Variants in CDKAL1 observed in about 807,000 individuals in gnomAD.
CDKAL1 encodes the protein threonylcarbamoyladenosine tRNA methylthiotransferase.
A neutral mutation model predicts 68.2 loss-of-function variants in CDKAL1; 32 were observed. The observed-to-expected ratio is 0.47, with a 90% CI of 0.35 to 0.63. The LOEUF is 0.63. Ranked by LOEUF, CDKAL1 falls within the 30% of genes least tolerant of loss-of-function variation. CDKAL1 has a pLI of 0.00. For missense variants in CDKAL1, 606 were observed against 696.7 expected, an observed-to-expected ratio of 0.87 and a Z score of 1.47; for synonymous variants, 234 against 244.3, an observed-to-expected ratio of 0.96 and a Z score of 0.39.
chr6:20,910,267 C>T (rs1361520094), intron 9 of CDKAL1, among the ~76,000 whole-genome samples: 6 of 152,128 alleles, frequency 3.9e-5, no homozygotes, highest in Non-Finnish European at 7.4e-5. Flanking sequence ...TAACAAGTAC[C>T]TCAGGTAGTT....
At chr6:20,585,425 C>T (rs6926658) in intron 4 of CDKAL1, among the ~76,000 whole-genome samples, 55,555 of 151,982 alleles carry the variant, frequency 0.37, 10,456 homozygotes, top group Middle Eastern at 0.45. Context: ...TCCAACTATT[C>T]CATTTTTTTC....
intron 11 of CDKAL1, among the ~76,000 whole-genome samples, chr6:21,026,377 T>C (rs1768963460): frequency 1.3e-5 from 2 of 152,268 alleles, no homozygotes; most frequent in South Asian, 4.1e-4. Flanking sequence ...AGTCAAGAAA[T>C]AAGTTTCTTG....
At chr6:21,115,073 CAA>C (rs1774340310) in intron 13 of CDKAL1, among the ~76,000 whole-genome samples, 1 of 152,186 alleles carries the variant, frequency 6.6e-6, no homozygotes, top group African/African-American at 2.4e-5. Flanking sequence ...CTTCTTTCCT[CAA>C]AGACTAGGCA....
chr6:20,826,289 G>C (rs1777499959), intron 8 of CDKAL1, among the ~76,000 whole-genome samples: 1 of 152,048 alleles, frequency 6.6e-6, no homozygotes, highest in African/African-American at 2.4e-5. Flanking sequence ...AAATCTTTTT[G>C]GTTTTTTCCT....
intron 7 of CDKAL1, among the ~76,000 whole-genome samples, chr6:20,767,470 A>T (rs4320364): frequency 0.93 from 140,685 of 151,058 alleles, 65,634 homozygotes; most frequent in East Asian, 1. Flanking sequence ...ATTTTTTTTT[A>T]AAAAAACAAA....
intron 15 of CDKAL1, among the ~76,000 whole-genome samples, chr6:21,225,346 G>A (rs6942273): frequency 0.65 from 98,319 of 151,978 alleles, 33,139 homozygotes; most frequent in African/African-American, 0.85. Flanking sequence ...CTCAGAGCCC[G>A]GGGAGTAAGA....
chr6:21,065,951 T>G (rs1771414283), intron 12 of CDKAL1, among the ~76,000 whole-genome samples: 1 of 151,800 alleles, frequency 6.6e-6, no homozygotes, highest in Non-Finnish European at 1.5e-5. Context: ...CTAATAACTA[T>G]TAGGTTGGTG....
intron 2 of CDKAL1, among the ~76,000 whole-genome samples, chr6:20,545,832 T>C (rs1382714600): frequency 6.6e-6 from 1 of 152,214 alleles, no homozygotes; most frequent in Non-Finnish European, 1.5e-5. Flanking sequence ...AAATATTCAA[T>C]ATGCATCTCT....
At chr6:21,098,610 A>T (rs1773433435) in intron 12 of CDKAL1, among the ~76,000 whole-genome samples, 1 of 130,286 alleles carries the variant, frequency 7.7e-6, no homozygotes, top group Non-Finnish European at 1.5e-5. Context: ...GAAGGAAGGG[A>T]TGCTATCCAG....
At chr6:20,566,233 G>A (rs1330958952) in intron 4 of CDKAL1, among the ~76,000 whole-genome samples, 1 of 152,154 alleles carries the variant, frequency 6.6e-6, no homozygotes, top group East Asian at 1.9e-4. Flanking sequence ...CTGTCATGCA[G>A]ATTTTGCCTG....
intron 12 of CDKAL1, among the ~76,000 whole-genome samples, chr6:21,086,687 C>A (rs1250157185): frequency 6.6e-6 from 1 of 152,116 alleles, no homozygotes; most frequent in African/African-American, 2.4e-5. Context: ...TTTTTAAACT[C>A]TATCCACCTG....
chr6:20,913,287 A>G (rs1250793557), intron 9 of CDKAL1, among the ~76,000 whole-genome samples: 2 of 152,150 alleles, frequency 1.3e-5, no homozygotes, highest in Non-Finnish European at 2.9e-5. Context: ...TCATCCAAAG[A>G]CTCACATGGG....
intron 2 of CDKAL1, among the ~76,000 whole-genome samples, chr6:20,543,146 G>T (rs533765149): frequency 3.9e-4 from 59 of 150,996 alleles, no homozygotes; most frequent in Non-Finnish European, 7.5e-4. Context: ...ACAGGTCTTT[G>T]TCTGAATACA....
At chr6:20,810,627 G>GGTGTGTGT (rs57000695) in intron 8 of CDKAL1, among the ~76,000 whole-genome samples, 74 of 134,768 alleles carry the variant, frequency 5.5e-4, no homozygotes, top group East Asian at 9.4e-4. Context: ...TGTATGTATG[G>GGTGTGTGT]GTGTGTGTGT....
intron 8 of CDKAL1, among the ~76,000 whole-genome samples, chr6:20,812,172 C>A (rs1049282104): frequency 6.6e-6 from 1 of 152,138 alleles, no homozygotes; most frequent in African/African-American, 2.4e-5. Flanking sequence ...AGGACGAATG[C>A]CTAATTCCTT....
intron 12 of CDKAL1, among the ~76,000 whole-genome samples, chr6:21,085,362 C>T (rs1337779665): frequency 6.6e-6 from 1 of 152,080 alleles, no homozygotes; most frequent in Admixed American, 6.6e-5. Flanking sequence ...CTGGGTAGGA[C>T]ACTACATCTC....
intron 5 of CDKAL1, among the ~76,000 whole-genome samples, chr6:20,713,562 A>G (rs764902381): frequency 2.1e-4 from 32 of 152,168 alleles, no homozygotes; most frequent in Non-Finnish European, 2.6e-4. Context: ...AGGCAAACCA[A>G]CAGATATTTC....
intron 6 of CDKAL1, among the ~76,000 whole-genome samples, chr6:20,751,281 T>C (rs1773909830): frequency 6.6e-6 from 1 of 152,188 alleles, no homozygotes; most frequent in South Asian, 2.1e-4. Flanking sequence ...GTGTTTGAGA[T>C]GTATGTTCAT....
rs564858683 is a variant in CDKAL1, at chr6:21,047,096, T to G, written c.1056-17952T>G. On this transcript the variant is annotated intron_variant, in intron 11 of 15. Coordinates refer to ENST00000274695, the MANE Select transcript of CDKAL1 (RefSeq NM_017774.3). Reference sequence around the variant, plus strand: ...TTCTTAGTTAACTGATTTTTTGTGTTTTTTTTTTTTAAGAGATGGAGTCTC... The same window carrying G: ...TTCTTAGTTAACTGATTTTTTGTGTGTTTTTTTTTTAAGAGATGGAGTCTC... Among the ~76,000 whole-genome samples the G allele has an allele frequency of 7.3e-4, 109 of 149,572 alleles. 1 individual carries two copies. The highest frequency in any genetic ancestry group is 3.4e-3 in the Middle Eastern group (1 of 290).
Sources: allele counts gnomAD v4.1 joint callset (sites outside exome capture counted in the v4.1 genomes callset), GRCh38; gene constraint gnomAD v4.1.1; transcripts MANE v1.5; gene names NCBI Gene and HGNC (gene_info 2026-07-23, HGNC 2026-07-21).